OVCH1: variants seen among roughly 807,000 people sequenced by gnomAD.
OVCH1 encodes the protein ovochymase-1.
Under a neutral mutation model 138.4 loss-of-function variants are expected in OVCH1, and 139 were observed. The observed-to-expected ratio is 1.00, with a 90% CI of 0.87 to 1.16. The LOEUF (loss-of-function observed/expected upper bound fraction) is 1.16, where lower values mean the gene tolerates loss of function less well. Among genes scored for constraint, OVCH1 ranks in the 50% most tolerant of loss-of-function variants. OVCH1 has a pLI of 0.00. For synonymous variants in OVCH1, 453 were observed against 467.8 expected, an observed-to-expected ratio of 0.97 and a Z score of 0.41; for missense variants, 1,367 against 1,357.9, an observed-to-expected ratio of 1.01 and a Z score of -0.11.
chr12:29,411,187 T>A (rs1940950394), downstream of OVCH1, among the ~76,000 whole-genome samples: 4 of 101,046 alleles, frequency 4.0e-5, 1 homozygote. Context: ...CTGTATTGGT[T>A]ATTCTAGTTA....
chr12:29,444,303 A>T, intron 23 of OVCH1, 23 bp from the exon 24 acceptor site: 3 of 1,606,744 alleles, frequency 1.9e-6, no homozygotes, highest in Non-Finnish European at 1.7e-6. Context: ...GAAGCAGAGA[A>T]AATGAGAATA....
At chr12:29,411,492 C>A (rs1940955299), downstream of OVCH1, among the ~76,000 whole-genome samples, 1 of 151,898 alleles carries the variant, frequency 6.6e-6, no homozygotes, top group Admixed American at 6.6e-5. Flanking sequence ...GTGTGGATGT[C>A]CTTTCCGTTT....
At chr12:29,435,710 C>G (rs1403185639) in intron 26 of OVCH1, among the ~76,000 whole-genome samples, 2 of 152,044 alleles carry the variant, frequency 1.3e-5, no homozygotes, top group Non-Finnish European at 2.9e-5. Context: ...CTCCCACTAC[C>G]CTAAGATTTC....
chr12:29,491,189 T>G (rs1485790326), exon 5 of OVCH1: 3 of 1,613,188 alleles, frequency 1.9e-6, no homozygotes, highest in Non-Finnish European at 1.7e-6. Flanking sequence ...CTGAACAGCA[T>G]TTCCTGAGAA....
chr12:29,494,577 T>G (rs1006326317), intron 4 of OVCH1, among the ~76,000 whole-genome samples: 6 of 152,176 alleles, frequency 3.9e-5, no homozygotes, highest in African/African-American at 1.4e-4. Context: ...ACTTAAGTTG[T>G]TCATCAATGA....
At chr12:29,429,034 C>T (rs538590734) in intron 27 of OVCH1, among the ~76,000 whole-genome samples, 4 of 152,150 alleles carry the variant, frequency 2.6e-5, no homozygotes, top group Non-Finnish European at 5.9e-5. Flanking sequence ...CTCCCAGCAC[C>T]TCCAACCATT....
downstream of OVCH1, chr12:29,425,802 T>C (rs577915749): frequency 6.6e-6 from 1 of 152,328 alleles, no homozygotes; most frequent in Admixed American, 6.5e-5. Context: ...GAACAAGTTT[T>C]GTACATGGCC....
Position 29,465,235 on chromosome 12 carries a change from CA to C in OVCH1, c.1857-17del. On this transcript the variant is annotated splice_polypyrimidine_tract_variant and intron_variant, in intron 16 of 27. Coordinates refer to ENST00000318184, the Ensembl canonical transcript of OVCH1. ...ATTATTCTTCCTGGAGACAGAAGAA[CA>C]GTGAAAGTTTGACATGAAAACACAT... 1 of 1,576,398 alleles carries C rather than the reference CA, an allele frequency of 6.3e-7. No individual in the cohort carries two copies. The highest frequency in any genetic ancestry group is 8.6e-7 in the Non-Finnish European group (1 of 1,159,194).
At chr12:29,430,157 G>A (rs1282915691) in intron 27 of OVCH1, among the ~76,000 whole-genome samples, 1 of 152,234 alleles carries the variant, frequency 6.6e-6, no homozygotes, top group Non-Finnish European at 1.5e-5. Flanking sequence ...TTCAAGAGAT[G>A]TGACCTAAGA....
chr12:29,474,883 T>C (rs997780390), intron 14 of OVCH1, among the ~76,000 whole-genome samples, 178 bp downstream of exon 14: 1 of 152,170 alleles, frequency 6.6e-6, no homozygotes, highest in Non-Finnish European at 1.5e-5. Context: ...CACAGATTCC[T>C]GGGCCCCATC....
At position 29,496,791 on chromosome 12, in the gene OVCH1, T is replaced by C. The variant is rs1404157289; in HGVS notation, c.65-117A>G. ...CACAGACATTCTGATAGCACTTAGC[T>C]GCAGACTACCACATTCTTCTCTCAA... On this transcript the variant is annotated intron_variant, in intron 1 of 27. Transcript: ENST00000318184. 3 of 693,074 alleles carry C rather than the reference T, an allele frequency of 4.3e-6. No homozygotes were observed. The African/African-American group carries it at 5.4e-5, about 12-fold the overall frequency. The allele number at this position is 693,074 out of a possible 1,614,324, so 42.9% of individuals were successfully genotyped here.
rs75572474 is a variant in OVCH1 at position 29,455,520 on chromosome 12, G to A, written c.2281-115C>T. 5.9e-3 allele frequency: 6,891 copies of A among 1,169,292 alleles called. 206 individuals are homozygous for A. The African/African-American group carries it at 0.081, about 14-fold the overall frequency. 72.4% of individuals were successfully genotyped at this position (1,169,292 alleles called of 1,614,324 possible). A position where few individuals can be genotyped will look rare whatever the true frequency, so the allele number is the denominator to read the frequency against. On this transcript the variant is annotated intron_variant, in intron 19 of 27. Transcript: ENST00000318184. ...TTTGTAATGTGTTTAATTCCTTAAAGATTTGTTTTGTCAATTTCCATCTTT... is the reference window on the plus strand; with the variant it reads ...TTTGTAATGTGTTTAATTCCTTAAAAATTTGTTTTGTCAATTTCCATCTTT...
Position 29,477,724 on chromosome 12 carries a change from T to C in OVCH1, c.1070-146A>G, listed in dbSNP as rs979229518. Reference sequence around the variant, plus strand: ...TTCAGGGCCTAACTCAAAATTCAGCTCTCTGATAAACTCTACCAGACAACC... The same window carrying C: ...TTCAGGGCCTAACTCAAAATTCAGCCCTCTGATAAACTCTACCAGACAACC... On this transcript the variant is annotated intron_variant, in intron 9 of 27. Coordinates refer to ENST00000318184, the Ensembl canonical transcript of OVCH1. The C allele has an allele frequency of 1.3e-5, 12 of 938,320 alleles. No individual in the cohort carries two copies. The African/African-American group carries it at 1.8e-4, about 14-fold the overall frequency. 58.1% of individuals were successfully genotyped at this position (938,320 alleles called of 1,614,324 possible).
intron 27 of OVCH1, among the ~76,000 whole-genome samples, chr12:29,429,200 GT>G (rs1565566070): frequency 6.6e-6 from 1 of 152,092 alleles, no homozygotes; most frequent in Non-Finnish European, 1.5e-5. Context: ...TTTCAAAAAA[GT>G]TACCATCTAA....
rs1165772239 is a variant in OVCH1, at chr12:29,489,530, T to C, written c.702+90A>G. 3.7e-6 allele frequency: 5 copies of C among 1,365,542 alleles called. No individual in the cohort carries two copies. In the East Asian group the frequency reaches 1.3e-4, roughly 35 times the overall value. 84.6% of individuals were successfully genotyped at this position (1,365,542 alleles called of 1,614,324 possible). The stretch of plus-strand genomic sequence containing the variant: ...GGGAAAAAGAATTTTGACACAGTAA[T>C]AGAAGAAACATGAGCTTCTTTTGGG... On this transcript the variant is annotated intron_variant, in intron 6 of 27. Coordinates refer to ENST00000318184, the Ensembl canonical transcript of OVCH1.
At chr12:29,461,214 T>C (rs1942119702) in intron 19 of OVCH1, among the ~76,000 whole-genome samples, 1 of 152,194 alleles carries the variant, frequency 6.6e-6, no homozygotes, top group Admixed American at 6.5e-5. Flanking sequence ...TAGCCCCACA[T>C]CCAAACCAGG....
At chr12:29,466,479 C>T (rs963444968) in intron 16 of OVCH1, among the ~76,000 whole-genome samples, 11 of 147,062 alleles carry the variant, frequency 7.5e-5, no homozygotes, top group Non-Finnish European at 1.5e-4. Context: ...TATCTCAGAT[C>T]GTCATCTTTT....
At chr12:29,428,553 A>T (rs1941216526) in intron 27 of OVCH1, among the ~76,000 whole-genome samples, 1 of 152,172 alleles carries the variant, frequency 6.6e-6, no homozygotes, top group Non-Finnish European at 1.5e-5. Flanking sequence ...GGTTCATCTT[A>T]AGGAAAACCA....
rs1307112017 is a variant in OVCH1 at position 29,417,945 on chromosome 12, GAA to G, written c.*71+5180_*71+5181del. 3.3e-5 allele frequency among the ~76,000 whole-genome samples: 5 copies of G among 152,310 alleles called. No homozygotes were observed. The East Asian group carries it at 9.6e-4, about 29-fold the overall frequency. On this transcript the variant is annotated intron_variant and NMD_transcript_variant, in intron 3 of 4. Transcript: ENST00000539117. The stretch of plus-strand genomic sequence containing the variant: ...TAATGGTTTGCAGGATGGAAGCATT[GAA>G]AAGACAGCAAAAGGGAGGTGAAGCT...
Sources: allele counts gnomAD v4.1 joint callset (sites outside exome capture counted in the v4.1 genomes callset), GRCh38; gene constraint gnomAD v4.1.1; transcripts MANE v1.5; gene names NCBI Gene and HGNC (gene_info 2026-07-23, HGNC 2026-07-21).